Variants in SPECC1L observed in about 807,000 individuals in gnomAD.
SPECC1L encodes the protein cytospin-A.
SPECC1L carries 40 observed loss-of-function variants against 116.8 expected under a neutral mutation model. That is an observed-to-expected ratio of 0.34 (90% confidence interval 0.27 to 0.45). SPECC1L has a LOEUF of 0.45. SPECC1L is among the 20% of genes least tolerant of loss of function. The probability of loss-of-function intolerance (pLI) is 1.00; values close to 1 mark genes in which losing one functional copy is unlikely to be tolerated. For synonymous variants in SPECC1L, 504 were observed against 500.6 expected, an observed-to-expected ratio of 1.01 and a Z score of -0.09; for missense variants, 1,110 against 1,373.6, an observed-to-expected ratio of 0.81 and a Z score of 3.03.
Position 24,414,732 on chromosome 22 carries a change from T to A in SPECC1L, c.*109T>A. ...TGTAAAGCTTCCAGCAACTCTGGGC[T>A]GCCCCACAGCGTGTGAGCCTCCAGC... On this transcript the variant is annotated 3_prime_UTR_variant, in exon 17 of 17. Coordinates refer to ENST00000314328, the MANE Select transcript of SPECC1L (RefSeq NM_015330.6). 1.1e-6 allele frequency: 1 copy of A among 938,084 alleles called. No individual in the cohort carries two copies. The allele number at this position is 938,084 out of a possible 1,614,324, so 58.1% of individuals were successfully genotyped here.
At chr22:24,344,541 C>A (rs1157577085) in intron 10 of SPECC1L, among the ~76,000 whole-genome samples, 1 of 148,868 alleles carries the variant, frequency 6.7e-6, no homozygotes, top group Non-Finnish European at 1.5e-5. Flanking sequence ...ACTGTCACCA[C>A]TTTTGTTCAG....
At chr22:24,328,690 A>C (rs537122871) in intron 6 of SPECC1L, among the ~76,000 whole-genome samples, 156 bp from the exon 7 acceptor site, 55 of 152,366 alleles carry the variant, frequency 3.6e-4, no homozygotes, top group Non-Finnish European at 6.0e-4. Flanking sequence ...ACTTGAATTT[A>C]ACATTTTTTC....
chr22:24,276,866 A>C (rs1035695058), intron 2 of SPECC1L, 63 bp downstream of exon 2: 1 of 411,880 alleles, frequency 2.4e-6, no homozygotes, highest in Non-Finnish European at 4.9e-6. Context: ...TTGCTTACAA[A>C]ACACTGGTGT....
Position 24,354,747 on chromosome 22 carries a change from C to T in SPECC1L, c.2743+7571C>T, listed in dbSNP as rs368798161. Among the ~76,000 whole-genome samples the T allele has an allele frequency of 4.6e-4, 69 of 150,334 alleles. No homozygotes were observed. The Middle Eastern group carries it at 0.02, about 44-fold the overall frequency. On this transcript the variant is annotated intron_variant, in intron 11 of 16. Transcript: ENST00000314328. ...TGTGATCTCGGCTCGCTGCAACCTGCGCCCCCTGGGTTCAAGTGATTCTCA... is the reference window on the plus strand; with the variant it reads ...TGTGATCTCGGCTCGCTGCAACCTGTGCCCCCTGGGTTCAAGTGATTCTCA...
In SPECC1L at chr22:24,326,520, G is replaced by A. The variant is rs565629169; in HGVS notation, c.2146+2093G>A. Among the ~76,000 whole-genome samples, 9 of 152,246 alleles carry A rather than the reference G, an allele frequency of 5.9e-5. No homozygotes were observed. In the South Asian group the frequency reaches 1.5e-3, roughly 25 times the overall value. Reference sequence around the variant, plus strand: ...GATTAGATGGCCTGTTTGACTCTTCGTTTGCAGGTTGAGTCTGAAGTACCT... The same window carrying A: ...GATTAGATGGCCTGTTTGACTCTTCATTTGCAGGTTGAGTCTGAAGTACCT... On this transcript the variant is annotated intron_variant, in intron 6 of 16. Transcript: ENST00000314328.
chr22:24,355,515 CCTGT>C (rs962189326), intron 11 of SPECC1L, among the ~76,000 whole-genome samples: 16 of 152,112 alleles, frequency 1.1e-4, no homozygotes, highest in East Asian at 3.9e-4. Flanking sequence ...TGTCTGTCTG[CCTGT>C]CTATCAAAAA....
chr22:24,278,148 A>T (rs1241779281), intron 2 of SPECC1L, among the ~76,000 whole-genome samples: 4 of 152,066 alleles, frequency 2.6e-5, no homozygotes, highest in Non-Finnish European at 5.9e-5. Flanking sequence ...TGAGCCTAGT[A>T]GTTTGAGACC....
chr22:24,321,555 C>CA lies in SPECC1L; in HGVS notation c.580dup (p.Thr194AsnfsTer12). 6.2e-7 allele frequency: 1 copy of CA among 1,614,034 alleles called. No individual in the cohort carries two copies. The highest frequency in any genetic ancestry group is 8.5e-7 in the Non-Finnish European group (1 of 1,180,022). On this transcript the variant is annotated frameshift_variant, in exon 5 of 17. Coordinates refer to ENST00000314328, the MANE Select transcript of SPECC1L (RefSeq NM_015330.6). LOFTEE classifies it high-confidence loss of function. Reference sequence around the variant, plus strand: ...AAAGTGAAGGATCTTCTCACGCTGGCAAAAACCAAAGACGTAGAAATTTTA... The same window carrying CA: ...AAAGTGAAGGATCTTCTCACGCTGGCAAAAAACCAAAGACGTAGAAATTTTA...
At position 24,302,400 on chromosome 22, in the gene SPECC1L, T is replaced by C; in HGVS notation, c.153+16T>C. The C allele has an allele frequency of 6.2e-7, 1 of 1,613,800 alleles. No individual in the cohort carries two copies. The highest frequency in any genetic ancestry group is 8.5e-7 in the Non-Finnish European group (1 of 1,179,802). Reference sequence around the variant, plus strand: ...ATTGTCAAAGGTATTCATGTGATGTTTGAATACATGATGGGTTTTTGGAGG... The same window carrying C: ...ATTGTCAAAGGTATTCATGTGATGTCTGAATACATGATGGGTTTTTGGAGG... On this transcript the variant is annotated intron_variant, in intron 3 of 16. Coordinates refer to ENST00000314328, the MANE Select transcript of SPECC1L (RefSeq NM_015330.6).
chr22:24,322,073 G>A lies in SPECC1L; in HGVS notation c.1093G>A (p.Ala365Thr). The change falls in exon 5 of 17, where the codon GCA becomes ACA. Residue 365 changes from alanine to threonine, a missense_variant. By Grantham distance (58) the Ala-to-Thr change is moderately conservative (BLOSUM62 0). This residue lies in a region of SPECC1L where 437 missense variants were observed against 482.6 expected (regional missense o/e 0.91). Coordinates refer to ENST00000314328, the MANE Select transcript of SPECC1L (RefSeq NM_015330.6). ...PLTSSDDALD[A>T]PSSSESEGIP... is the part of the protein sequence containing the mutation. ...CACATCGAGCGATGATGCGCTGGATGCACCATCCTCCTCAGAGTCGGAAGG... is the reference window on the plus strand; with the variant it reads ...CACATCGAGCGATGATGCGCTGGATACACCATCCTCCTCAGAGTCGGAAGG... 2 of 1,614,184 alleles carry A rather than the reference G, an allele frequency of 1.2e-6. No homozygotes were observed. Among genetic ancestry groups the A allele is most frequent in the Non-Finnish European group, 1.7e-6 (2 of 1,180,040 alleles).
chr22:24,286,391 C>T (rs975397776), intron 2 of SPECC1L, among the ~76,000 whole-genome samples: 8 of 152,138 alleles, frequency 5.3e-5, no homozygotes, highest in African/African-American at 7.2e-5. Context: ...TTGACATTCT[C>T]GCATGTAATT....
chr22:24,408,565 C>CTG (rs1346674561), intron 14 of SPECC1L, among the ~76,000 whole-genome samples: 1 of 152,232 alleles, frequency 6.6e-6, no homozygotes, highest in Non-Finnish European at 1.5e-5. Context: ...GCACACCAGC[C>CTG]ACCAGAGGCT....
chr22:24,373,963 A>T (rs1601303731), intron 14 of SPECC1L, among the ~76,000 whole-genome samples: 1 of 152,234 alleles, frequency 6.6e-6, no homozygotes, highest in Non-Finnish European at 1.5e-5. Flanking sequence ...TGGGCGAAGG[A>T]TATGAACAGA....
At chr22:24,326,098 C>A (rs1050462170) in intron 6 of SPECC1L, among the ~76,000 whole-genome samples, 1 of 152,076 alleles carries the variant, frequency 6.6e-6, no homozygotes, top group Non-Finnish European at 1.5e-5. Context: ...GAATTACAGG[C>A]GCCCACTACC....
At chr22:24,290,854 A>G (rs1601503601) in intron 2 of SPECC1L, among the ~76,000 whole-genome samples, 1 of 152,226 alleles carries the variant, frequency 6.6e-6, no homozygotes, top group African/African-American at 2.4e-5. Flanking sequence ...TCAATCCATT[A>G]CATTATGATT....
At chr22:24,317,134 G>C (rs1469398422) in intron 4 of SPECC1L, among the ~76,000 whole-genome samples, 1 of 109,022 alleles carries the variant, frequency 9.2e-6, no homozygotes, top group Non-Finnish European at 2.0e-5. Context: ...TGGGCGGGGG[G>C]CTGACCCCCC....
In SPECC1L at chr22:24,341,395, C is replaced by G. The variant is rs576743408; in HGVS notation, c.2652+2918C>G. ...TGGTAGCTCACCTAGGGCAGGAAAT[C>G]ATTTGAGTTCCCACCAGCCGCTGTG... On this transcript the variant is annotated intron_variant, in intron 10 of 16. Transcript: ENST00000314328. Among the ~76,000 whole-genome samples, 9 of 152,290 alleles carry G rather than the reference C, an allele frequency of 5.9e-5. No homozygotes were observed. In the South Asian group the frequency reaches 1.9e-3, roughly 32 times the overall value.
chr22:24,349,959 C>G (rs577761519), intron 11 of SPECC1L, among the ~76,000 whole-genome samples: 1 of 152,256 alleles, frequency 6.6e-6, no homozygotes, highest in East Asian at 1.9e-4. Context: ...AGAAGAGGAG[C>G]CAGAGTTCTC....
At chr22:24,319,778 C>T (rs904153691) in intron 4 of SPECC1L, among the ~76,000 whole-genome samples, 3 of 152,214 alleles carry the variant, frequency 2.0e-5, no homozygotes, top group Admixed American at 1.3e-4. Flanking sequence ...GTGGCTATCT[C>T]CCTCTATCTG....
Sources: gnomAD v4.1 joint callset for allele counts (sites outside exome capture counted in the v4.1 genomes callset) on GRCh38, gnomAD v4.1.1 for gene constraint, gnomAD v4.1.1 regional missense constraint, MANE v1.5 for transcripts, NCBI Gene and HGNC (gene_info 2026-07-23, HGNC 2026-07-21) for gene names.